The following PTPRO variants were observed in gnomAD, a reference collection of about 807,000 sequenced individuals.
PTPRO encodes receptor-type tyrosine-protein phosphatase O.
PTPRO carries 62 observed loss-of-function variants against 145.2 expected under a neutral mutation model. The observed-to-expected ratio is 0.43, with a 90% CI of 0.35 to 0.53. PTPRO has a LOEUF of 0.53. Ranked by LOEUF, PTPRO falls within the 20% of genes least tolerant of loss-of-function variation. The pLI, the probability that PTPRO is intolerant of heterozygous loss-of-function variation, is 0.01. For synonymous variants in PTPRO, 565 were observed against 514.7 expected (o/e 1.10, Z -1.32); for missense variants, 1,345 against 1,482.7 (o/e 0.91, Z 1.53).
At position 15,489,640 on chromosome 12, in the gene PTPRO, T is replaced by C. The variant is rs11056522; in HGVS notation, c.349+5393T>C. Among the ~76,000 whole-genome samples the C allele has an allele frequency of 3.1e-3, 468 of 152,292 alleles. 1 individual carries two copies. Among genetic ancestry groups the C allele is most frequent in the Non-Finnish European group, 5.0e-3 (343 of 68,020 alleles). On this transcript the variant is annotated intron_variant, in intron 2 of 26. Coordinates refer to ENST00000281171, the MANE Select transcript of PTPRO (RefSeq NM_030667.3). Reference sequence around the variant, plus strand: ...CAACCAGAGGTCAGTCTCATAGCCATCTTGGTTTTGGTGGGGTTTGGCCAG... The same window carrying C: ...CAACCAGAGGTCAGTCTCATAGCCACCTTGGTTTTGGTGGGGTTTGGCCAG...
chr12:15,573,253 C>G (rs1944100646), intron 19 of PTPRO, among the ~76,000 whole-genome samples: 1 of 152,138 alleles, frequency 6.6e-6, no homozygotes, highest in Non-Finnish European at 1.5e-5. Context: ...CAGAATTCCT[C>G]CCTCCTTGTA....
At chr12:15,490,588 G>A (rs1407935567) in intron 2 of PTPRO, among the ~76,000 whole-genome samples, 1 of 152,102 alleles carries the variant, frequency 6.6e-6, no homozygotes, top group Admixed American at 6.5e-5. Flanking sequence ...GGCAGATTTG[G>A]CCTTGTGGAC....
chr12:15,587,480 G>C (rs1485526500), intron 24 of PTPRO, among the ~76,000 whole-genome samples: 1 of 152,066 alleles, frequency 6.6e-6, no homozygotes, highest in Non-Finnish European at 1.5e-5. Context: ...ATCACAGCTT[G>C]ACATAATATA....
At chr12:15,329,452 C>T (rs770372794) in intron 1 of PTPRO, among the ~76,000 whole-genome samples, 2 of 152,162 alleles carry the variant, frequency 1.3e-5, no homozygotes, top group Non-Finnish European at 2.9e-5. Flanking sequence ...GCTTTTGGAT[C>T]CTGGCATTAA....
At chr12:15,493,680 T>C (rs908709131) in intron 2 of PTPRO, among the ~76,000 whole-genome samples, 1 of 152,188 alleles carries the variant, frequency 6.6e-6, no homozygotes, top group African/African-American at 2.4e-5. Flanking sequence ...AGAGGAACTA[T>C]CATACACTGC....
intron 1 of PTPRO, among the ~76,000 whole-genome samples, chr12:15,446,699 G>A (rs188262713): frequency 6.6e-6 from 1 of 151,402 alleles, no homozygotes; most frequent in Non-Finnish European, 1.5e-5. Flanking sequence ...GAAGTCATAT[G>A]AAAGTTATAA....
chr12:15,471,899 C>A (rs536506329), intron 1 of PTPRO, among the ~76,000 whole-genome samples: 1 of 152,078 alleles, frequency 6.6e-6, no homozygotes, highest in East Asian at 1.9e-4. Flanking sequence ...AGGAACCTGG[C>A]GAGTGTAGCC....
At chr12:15,409,307 A>G (rs1434939755) in intron 1 of PTPRO, among the ~76,000 whole-genome samples, 1 of 152,160 alleles carries the variant, frequency 6.6e-6, no homozygotes, top group African/African-American at 2.4e-5. Context: ...TACATAGACC[A>G]TCATATGTTG....
chr12:15,548,937 GGGAATGGGGAAAAAA>G (rs1458102441), intron 13 of PTPRO, among the ~76,000 whole-genome samples, 142 bp from the exon 14 acceptor site: 2 of 152,006 alleles, frequency 1.3e-5, no homozygotes, highest in Admixed American at 6.6e-5. Flanking sequence ...TGGTCAGATG[GGGAATGGGGAAAAAA>G]GGAAACATTT....
At chr12:15,410,211 T>C (rs1472209162) in intron 1 of PTPRO, 1 of 152,206 alleles carries the variant, frequency 6.6e-6, no homozygotes, top group Non-Finnish European at 1.5e-5. Context: ...GTGCATGTCA[T>C]AGTTAATTTT....
intron 12 of PTPRO, among the ~76,000 whole-genome samples, chr12:15,544,466 C>CCA (rs1171810950): frequency 7.1e-6 from 1 of 140,632 alleles, no homozygotes; most frequent in Non-Finnish European, 1.5e-5. Flanking sequence ...GATTGCACCA[C>CCA]CACTGCACTC....
intron 20 of PTPRO, among the ~76,000 whole-genome samples, 189 bp downstream of exon 20, chr12:15,579,132 A>G (rs1417966912): frequency 6.6e-6 from 1 of 152,200 alleles, no homozygotes; most frequent in Non-Finnish European, 1.5e-5. Flanking sequence ...GGAAGATTTA[A>G]TTATTGTGCT....
intron 1 of PTPRO, among the ~76,000 whole-genome samples, chr12:15,438,645 A>C (rs1301776519): frequency 6.6e-6 from 1 of 152,016 alleles, no homozygotes; most frequent in Non-Finnish European, 1.5e-5. Flanking sequence ...AACTAACCCA[A>C]TATGGCAAAA....
chr12:15,391,237 C>T (rs1939182556), intron 1 of PTPRO, among the ~76,000 whole-genome samples: 1 of 152,154 alleles, frequency 6.6e-6, no homozygotes. Flanking sequence ...ATAGAGTTCC[C>T]CTTCAAGTTC....
chr12:15,562,069 C>T (rs575895723), intron 17 of PTPRO, among the ~76,000 whole-genome samples: 55 of 152,064 alleles, frequency 3.6e-4, no homozygotes, highest in Non-Finnish European at 7.4e-4. Flanking sequence ...ATGGTTGTCT[C>T]CAGTTGAGAA....
At chr12:15,550,079 T>C (rs74063863) in intron 14 of PTPRO, among the ~76,000 whole-genome samples, 1,683 of 152,294 alleles carry the variant, frequency 0.011, 30 homozygotes, top group African/African-American at 0.038. Flanking sequence ...AGTGCCAACC[T>C]CTGCATAGTT....
Position 15,524,854 on chromosome 12 carries a change from C to G in PTPRO, c.1932C>G (p.Asn644Lys). 2 of 1,613,572 alleles carry G rather than the reference C, an allele frequency of 1.2e-6. No homozygotes were observed. Among genetic ancestry groups the G allele is most frequent in the Non-Finnish European group, 1.7e-6 (2 of 1,179,512 alleles). The change falls in exon 11 of 27, where the codon AAC (asparagine) becomes AAG (lysine). Residue 644 changes from asparagine to lysine, a missense_variant. Physicochemically the swap from Asn to Lys is moderately conservative, Grantham distance 94. Transcript: ENST00000281171. ...APEITSVEYF[N>K]SLLYISWTYG... Reference sequence around the variant, plus strand: ...AAATCACTTCTGTGGAATATTTCAACAGTCTGTTATATATCAGTTGGACAT... The same window carrying G: ...AAATCACTTCTGTGGAATATTTCAAGAGTCTGTTATATATCAGTTGGACAT...
chr12:15,499,503 C>A lies in PTPRO; in HGVS notation c.570C>A (p.Ile190=), dbSNP rs759194670. 2 of 1,613,546 alleles carry A rather than the reference C, an allele frequency of 1.2e-6. No homozygotes were observed. Among genetic ancestry groups the A allele is most frequent in the Non-Finnish European group, 1.7e-6 (2 of 1,179,562 alleles). ...TGCCAGGAATGTGTTATAGTAATATCACCTTTCAGCTGGTATCTGAGGCAA... is the reference window on the plus strand; with the variant it reads ...TGCCAGGAATGTGTTATAGTAATATAACCTTTCAGCTGGTATCTGAGGCAA... ...HWLPGMCYSN[I]TFQLVSEATF... The change falls in exon 4 of 27, where the codon ATC becomes ATA. Residue 190 remains isoleucine (I), a synonymous_variant. Transcript: ENST00000281171.
At chr12:15,452,182 A>T (rs1190079421) in intron 1 of PTPRO, among the ~76,000 whole-genome samples, 1 of 152,244 alleles carries the variant, frequency 6.6e-6, no homozygotes, top group African/African-American at 2.4e-5. Flanking sequence ...ACACCACAGA[A>T]ATACAAAAGG....
Sources: allele counts gnomAD v4.1 joint callset (sites outside exome capture counted in the v4.1 genomes callset), GRCh38; gene constraint gnomAD v4.1.1; transcripts MANE v1.5; gene names NCBI Gene and HGNC (gene_info 2026-07-23, HGNC 2026-07-21).